FILIP1L: variants seen among roughly 807,000 people sequenced by gnomAD.
The protein encoded by FILIP1L is filamin A-interacting protein 1-like.
FILIP1L carries 55 observed loss-of-function variants against 96.6 expected under a neutral mutation model. The observed-to-expected ratio is 0.57, with a 90% CI of 0.46 to 0.71. The LOEUF (loss-of-function observed/expected upper bound fraction) is 0.71. Ranked by LOEUF, FILIP1L falls within the 30% of genes least tolerant of loss-of-function variation. FILIP1L has a pLI of 0.00. For synonymous variants in FILIP1L, 467 were observed against 473.9 expected, an observed-to-expected ratio of 0.99 and a Z score of 0.19; for missense variants, 1,304 against 1,321.2, an observed-to-expected ratio of 0.99 and a Z score of 0.20.
Position 99,849,806 on chromosome 3 carries a change from T to TA in FILIP1L, c.1869dup (p.Lys624Ter), listed in dbSNP as rs1559657115. 1 of 1,612,940 alleles carries TA rather than the reference T, an allele frequency of 6.2e-7. No homozygotes were observed. Among genetic ancestry groups the TA allele is most frequent in the East Asian group, 2.2e-5 (1 of 44,866 alleles). ...ACTTCTTGAGAGAGCTCCTTAATCT[T>TA]ATTGTTTTCTTGGTGTAATGCTGTT... On this transcript the variant is annotated frameshift_variant, in exon 5 of 6. Coordinates refer to ENST00000477258, the MANE Select transcript of FILIP1L (RefSeq NM_001387850.1). LOFTEE classifies it high-confidence loss of function.
At chr3:99,901,597 A>G (rs1325169567) in intron 4 of FILIP1L, among the ~76,000 whole-genome samples, 17 of 152,336 alleles carry the variant, frequency 1.1e-4, no homozygotes, top group Admixed American at 9.8e-4. Context: ...CAATAATATT[A>G]CATAGTTTAC....
At chr3:100,007,625 C>A (rs1710025468) in intron 1 of FILIP1L, among the ~76,000 whole-genome samples, 1 of 152,140 alleles carries the variant, frequency 6.6e-6, no homozygotes, top group African/African-American at 2.4e-5. Context: ...AGAAAGTGTA[C>A]AGATTTTGCT....
chr3:99,971,970 G>T (rs1207427699), intron 1 of FILIP1L, among the ~76,000 whole-genome samples: 1 of 152,200 alleles, frequency 6.6e-6, no homozygotes, highest in African/African-American at 2.4e-5. Flanking sequence ...ACATGGATTA[G>T]TCATAAAATT....
At chr3:99,989,339 G>A (rs147549458) in intron 1 of FILIP1L, among the ~76,000 whole-genome samples, 107 of 152,258 alleles carry the variant, frequency 7.0e-4, no homozygotes, top group African/African-American at 2.5e-3. Context: ...TGTAGAGGTG[G>A]GGGTGAGGCA....
intron 4 of FILIP1L, among the ~76,000 whole-genome samples, chr3:99,872,962 G>A (rs951856731): frequency 1.3e-5 from 2 of 151,712 alleles, no homozygotes; most frequent in Non-Finnish European, 2.9e-5. Context: ...AGGCTGATAA[G>A]TGTTGGTGAT....
Position 99,929,960 on chromosome 3 carries a change from C to T in FILIP1L, c.322G>A (p.Gly108Arg). Residue 108 changes from glycine to arginine, a missense_variant, in exon 3 of 6, where the codon GGG becomes AGG. Physicochemically the swap from Gly to Arg is moderately radical, Grantham distance 125. Transcript: ENST00000477258. The stretch of plus-strand genomic sequence containing the variant: ...AACACCTTTTTTGGAGTGACAAACC[C>T]ATACTGAGCTTCCAGCAAAGCCAGG... ...MDLALLEAQY[G>R]FVTPKKVLEA... is the part of the protein sequence containing the mutation. 6.2e-7 allele frequency: 1 copy of T among 1,614,096 alleles called. No homozygotes were observed. The highest frequency in any genetic ancestry group is 8.5e-7 in the Non-Finnish European group (1 of 1,179,992).
chr3:100,034,492 C>T (rs187450474), intron 1 of FILIP1L, among the ~76,000 whole-genome samples: 3 of 152,202 alleles, frequency 2.0e-5, no homozygotes, highest in South Asian at 2.1e-4. Context: ...GTAGCCACTT[C>T]GTTCCAGTAA....
intron 1 of FILIP1L, among the ~76,000 whole-genome samples, chr3:100,105,263 T>C (rs996361391): frequency 9.2e-5 from 14 of 152,220 alleles, no homozygotes; most frequent in African/African-American, 3.4e-4. Context: ...TAATTGAAGC[T>C]GACCATTAAT....
intron 4 of FILIP1L, chr3:99,898,057 A>T (rs1457036118): frequency 2.6e-5 from 4 of 152,136 alleles, no homozygotes; most frequent in Non-Finnish European, 4.4e-5. Context: ...AGTCGTCAGA[A>T]TGTATTTATT....
At chr3:99,942,778 G>A (rs1019781292) in intron 1 of FILIP1L, among the ~76,000 whole-genome samples, 3 of 151,728 alleles carry the variant, frequency 2.0e-5, no homozygotes, top group Admixed American at 6.6e-5. Flanking sequence ...GCAGTGAGCC[G>A]ACACAGTGCC....
At chr3:100,044,215 TC>T (rs2065246461) in intron 1 of FILIP1L, among the ~76,000 whole-genome samples, 1 of 152,242 alleles carries the variant, frequency 6.6e-6, no homozygotes, top group African/African-American at 2.4e-5. Flanking sequence ...TTGAGCGTCT[TC>T]TATGTGCCAG....
chr3:99,994,839 T>C (rs554974589), intron 1 of FILIP1L, among the ~76,000 whole-genome samples: 7 of 152,278 alleles, frequency 4.6e-5, no homozygotes, highest in Admixed American at 2.0e-4. Context: ...ATGAGACTTA[T>C]TCACTACCAC....
At chr3:99,933,005 A>G (rs1397845946) in intron 1 of FILIP1L, among the ~76,000 whole-genome samples, 1 of 152,170 alleles carries the variant, frequency 6.6e-6, no homozygotes, top group Non-Finnish European at 1.5e-5. Flanking sequence ...TAGCTCATTC[A>G]AGTCTCACAA....
chr3:99,911,994 C>G (rs1235364072), intron 4 of FILIP1L, among the ~76,000 whole-genome samples: 1 of 151,910 alleles, frequency 6.6e-6, no homozygotes, highest in African/African-American at 2.4e-5. Context: ...TTATTCTTTG[C>G]TTCCTAATAA....
chr3:99,830,540 G>C lies in FILIP1L; in HGVS notation c.3447C>G (p.Thr1149=). ...RIPKPKSTGI[T]KISTKAPTVP... is the part of the protein sequence containing the mutation. ...CTGTGGGGGCTTTAGTGGAAATCTTGGTGATGCCTGTAGATTTCGGTTTAG... is the reference window on the plus strand; with the variant it reads ...CTGTGGGGGCTTTAGTGGAAATCTTCGTGATGCCTGTAGATTTCGGTTTAG... The change falls in exon 6 of 6, where the codon ACC becomes ACG. Residue 1149 remains threonine, a synonymous_variant. Coordinates refer to ENST00000477258, the MANE Select transcript of FILIP1L (RefSeq NM_001387850.1). The C allele has an allele frequency of 2.2e-6, 1 of 456,696 alleles. No homozygotes were observed. Among genetic ancestry groups the C allele is most frequent in the Non-Finnish European group, 4.4e-6 (1 of 226,980 alleles). The allele number at this position is 456,696 out of a possible 1,614,324, so 28.3% of individuals were successfully genotyped here. A position where few individuals can be genotyped will look rare whatever the true frequency, so the allele number is the denominator to read the frequency against.
chr3:99,884,905 A>T (rs569738812), intron 4 of FILIP1L, among the ~76,000 whole-genome samples: 155 of 152,298 alleles, frequency 1.0e-3, no homozygotes, highest in African/African-American at 3.5e-3. Flanking sequence ...TCCTTCATTT[A>T]ATCAGGTTTC....
chr3:99,991,558 C>G lies in FILIP1L; in HGVS notation c.-10-60528G>C, dbSNP rs1486510088. ...TTTAGTGTACCCATCACCCAAATCA[C>G]AGACATTGTACCCAATAGGTAATTT... On this transcript the variant is annotated intron_variant, in intron 1 of 5. Coordinates refer to ENST00000477258, the MANE Select transcript of FILIP1L (RefSeq NM_001387850.1). Among the ~76,000 whole-genome samples the G allele has an allele frequency of 2.0e-5, 3 of 151,990 alleles. No homozygotes were observed. The East Asian group carries it at 5.8e-4, about 29-fold the overall frequency.
At chr3:100,110,691 C>G (rs2066476135) in intron 1 of FILIP1L, among the ~76,000 whole-genome samples, 1 of 152,196 alleles carries the variant, frequency 6.6e-6, no homozygotes, top group Non-Finnish European at 1.5e-5. Flanking sequence ...ATTCACTGCT[C>G]TGCTCAGCTC....
intron 4 of FILIP1L, among the ~76,000 whole-genome samples, chr3:99,867,007 C>G (rs558715952): frequency 6.6e-6 from 1 of 152,302 alleles, no homozygotes; most frequent in African/African-American, 2.4e-5. Flanking sequence ...TCAGCAACTT[C>G]TGAATACTGA....
Sources: gnomAD v4.1 joint callset for allele counts (sites outside exome capture counted in the v4.1 genomes callset) on GRCh38, gnomAD v4.1.1 for gene constraint, MANE v1.5 for transcripts, NCBI Gene and HGNC (gene_info 2026-07-23, HGNC 2026-07-21) for gene names.